The following EYA4 variants were observed in gnomAD, a reference collection of about 807,000 sequenced individuals.
EYA4 encodes protein phosphatase EYA4.
In EYA4, 31 loss-of-function variants were observed where a neutral mutation model predicts 87.9. The observed-to-expected ratio is 0.35, with a 90% CI of 0.27 to 0.48. The LOEUF (loss-of-function observed/expected upper bound fraction) is 0.48, where lower values mean the gene tolerates loss of function less well. Ranked by LOEUF, EYA4 falls within the 20% of genes least tolerant of loss-of-function variation. The probability of loss-of-function intolerance (pLI) is 0.99; values close to 1 mark genes in which losing one functional copy is unlikely to be tolerated. For missense variants in EYA4, 678 were observed against 761.4 expected (o/e 0.89, Z 1.29); for synonymous variants, 263 against 270.6 (o/e 0.97, Z 0.28).
chr6:133,495,097 C>T (rs968239939), intron 13 of EYA4, among the ~76,000 whole-genome samples: 3 of 151,708 alleles, frequency 2.0e-5, no homozygotes, highest in Admixed American at 6.6e-5. Context: ...GGCAAAACCC[C>T]GTCTCTGCTA....
chr6:133,328,771 A>T (rs1282880023), intron 2 of EYA4, among the ~76,000 whole-genome samples: 2 of 152,168 alleles, frequency 1.3e-5, no homozygotes, highest in Non-Finnish European at 2.9e-5. Flanking sequence ...CAATATTGAT[A>T]AATTTTTAAA....
At chr6:133,468,167 A>G (rs73001792) in intron 10 of EYA4, among the ~76,000 whole-genome samples, 57 of 152,120 alleles carry the variant, frequency 3.7e-4, no homozygotes, top group Non-Finnish European at 6.6e-4. Flanking sequence ...GGCAGCCCCA[A>G]CTCCTTGCTG....
chr6:133,497,922 G>C (rs1797771866), intron 13 of EYA4, among the ~76,000 whole-genome samples: 1 of 152,114 alleles, frequency 6.6e-6, no homozygotes, highest in Admixed American at 6.6e-5. Flanking sequence ...TCAGATTCAG[G>C]GTCCCCAAAC....
rs201268763 is a variant in EYA4 at position 133,271,214 on chromosome 6, G to GC, written c.-65-3498dup. On this transcript the variant is annotated intron_variant, in intron 1 of 19. Transcript: ENST00000355286. ...CGTACATGGCTTTCTAGAGAACTTT[G>GC]CCCCAGCCCTGCAAAGTATTGTCAC... Among the ~76,000 whole-genome samples the GC allele has an allele frequency of 3.0e-3, 464 of 152,172 alleles. 3 individuals carry two copies. The highest frequency in any genetic ancestry group is 0.011 in the African/African-American group (446 of 41,516).
chr6:133,451,031 T>G (rs1316985279), intron 5 of EYA4, among the ~76,000 whole-genome samples: 3 of 152,218 alleles, frequency 2.0e-5, no homozygotes, highest in Non-Finnish European at 2.9e-5. Flanking sequence ...AATATAGAGA[T>G]AGCATAAATG....
chr6:133,420,274 A>ATC (rs928063450), intron 3 of EYA4, among the ~76,000 whole-genome samples: 1 of 152,194 alleles, frequency 6.6e-6, no homozygotes, highest in African/African-American at 2.4e-5. Context: ...ATTGATAAAC[A>ATC]TCCTGGTGTT....
At chr6:133,373,896 TG>T (rs1785469129) in intron 2 of EYA4, among the ~76,000 whole-genome samples, 3 of 152,076 alleles carry the variant, frequency 2.0e-5, no homozygotes, top group Non-Finnish European at 1.5e-5. Context: ...AGCTGTAACA[TG>T]ATATGTTAAA....
At chr6:133,488,659 C>T (rs910279066) in intron 13 of EYA4, among the ~76,000 whole-genome samples, 5 of 131,334 alleles carry the variant, frequency 3.8e-5, no homozygotes, top group African/African-American at 1.2e-4. Context: ...AAGAGGGCAT[C>T]TCTATGAGTC....
intron 2 of EYA4, among the ~76,000 whole-genome samples, chr6:133,282,441 C>G (rs966832287): frequency 6.6e-6 from 1 of 151,886 alleles, no homozygotes; most frequent in Non-Finnish European, 1.5e-5. Context: ...ATTTTTTAAA[C>G]TCTGAATTTT....
chr6:133,412,618 G>A (rs895442186), intron 3 of EYA4, among the ~76,000 whole-genome samples: 2 of 152,080 alleles, frequency 1.3e-5, no homozygotes, highest in Admixed American at 1.3e-4. Context: ...GTCTCCATTC[G>A]TTTTTGTTTT....
chr6:133,428,087 A>C (rs1279316356), intron 3 of EYA4, among the ~76,000 whole-genome samples: 1 of 152,196 alleles, frequency 6.6e-6, no homozygotes, highest in Non-Finnish European at 1.5e-5. Context: ...GTTAGAGATA[A>C]GAGTATGAGA....
chr6:133,505,792 T>C (rs888440598), intron 13 of EYA4, among the ~76,000 whole-genome samples: 11 of 152,212 alleles, frequency 7.2e-5, no homozygotes, highest in African/African-American at 2.4e-4. Context: ...ATACTTTCCA[T>C]AGATTATATG....
chr6:133,359,209 G>A (rs1435784482), intron 2 of EYA4, among the ~76,000 whole-genome samples: 2 of 152,168 alleles, frequency 1.3e-5, no homozygotes, highest in African/African-American at 4.8e-5. Context: ...AGACACTGAG[G>A]GTTAAGGGGG....
intron 1 of EYA4, among the ~76,000 whole-genome samples, chr6:133,265,177 A>T (rs1438800446): frequency 6.6e-6 from 1 of 152,152 alleles, no homozygotes; most frequent in Non-Finnish European, 1.5e-5. Context: ...GCAGAGTTAA[A>T]GAAAAAGATA....
chr6:133,468,496 C>A, intron 10 of EYA4, 70 bp from the exon 11 acceptor site: 2 of 1,255,700 alleles, frequency 1.6e-6, no homozygotes, highest in Non-Finnish European at 1.2e-6. Flanking sequence ...ACCATAATGA[C>A]TGGTTTTCTT....
At chr6:133,269,349 C>T (rs1273856921) in intron 1 of EYA4, among the ~76,000 whole-genome samples, 1 of 152,154 alleles carries the variant, frequency 6.6e-6, no homozygotes, top group African/African-American at 2.4e-5. Context: ...ACCCTCCCTT[C>T]CCTTTTCATA....
intron 1 of EYA4, among the ~76,000 whole-genome samples, chr6:133,271,215 C>A (rs1776659441): frequency 6.6e-6 from 1 of 151,162 alleles, no homozygotes; most frequent in African/African-American, 2.5e-5. Context: ...GAGAACTTTG[C>A]CCCAGCCCTG....
At chr6:133,382,483 C>T in intron 3 of EYA4, 42 bp downstream of exon 3, 5 of 1,347,818 alleles carry the variant, frequency 3.7e-6, no homozygotes, top group Non-Finnish European at 5.3e-6. Context: ...AGGAGAATTG[C>T]AGTTTCGGAG....
chr6:133,470,882 G>A (rs1365459370), intron 11 of EYA4, among the ~76,000 whole-genome samples: 1 of 91,046 alleles, frequency 1.1e-5, no homozygotes, highest in African/African-American at 4.3e-5. Context: ...CCATGATTTG[G>A]CTCTCTGTCT....
Sources: gnomAD v4.1 joint callset for allele counts (sites outside exome capture counted in the v4.1 genomes callset) on GRCh38, gnomAD v4.1.1 for gene constraint, MANE v1.5 for transcripts, NCBI Gene and HGNC (gene_info 2026-07-23, HGNC 2026-07-21) for gene names.